ITFG1: variants seen among roughly 807,000 people sequenced by gnomAD.
ITFG1 encodes the protein T-cell immunomodulatory protein.
A neutral mutation model predicts 81.8 loss-of-function variants in ITFG1; 34 were observed. The observed-to-expected ratio is 0.42, with a 90% CI of 0.32 to 0.55. The LOEUF is 0.55. Ranked by LOEUF, ITFG1 falls within the 20% of genes least tolerant of loss-of-function variation. The pLI is 0.17. For synonymous variants in ITFG1, 285 were observed against 270.6 expected (o/e 1.05, Z -0.52); for missense variants, 672 against 755.4 (o/e 0.89, Z 1.29).
At position 47,298,007 on chromosome 16, in the gene ITFG1, G is replaced by A. The variant is rs530891335; in HGVS notation, c.1070+13233C>T. On this transcript the variant is annotated intron_variant, in intron 10 of 17. Coordinates refer to ENST00000320640, the MANE Select transcript of ITFG1 (RefSeq NM_030790.5). The stretch of plus-strand genomic sequence containing the variant: ...TCATTACTATGTAGTACATATTGAA[G>A]TCTTTGTTCATTTTTTTCTTTTTTT... Among the ~76,000 whole-genome samples, 5 of 152,176 alleles carry A rather than the reference G, an allele frequency of 3.3e-5. No homozygotes were observed. In the South Asian group the frequency reaches 1.0e-3, roughly 32 times the overall value.
At position 47,282,643 on chromosome 16, in the gene ITFG1, A is replaced by AT. The variant is rs200448942; in HGVS notation, c.1071-21949dup. Among the ~76,000 whole-genome samples, 637 of 152,138 alleles carry AT rather than the reference A, an allele frequency of 4.2e-3. 5 individuals are homozygous for AT. Among genetic ancestry groups the AT allele is most frequent in the Middle Eastern group, 0.014 (4 of 294 alleles). The stretch of plus-strand genomic sequence containing the variant: ...GATTGCTACGTCAAATGGTAATTCT[A>AT]TTTTTAGTTCTTTGAGGAATCTCCA... On this transcript the variant is annotated intron_variant, in intron 10 of 17. Coordinates refer to ENST00000320640, the MANE Select transcript of ITFG1 (RefSeq NM_030790.5).
intron 10 of ITFG1, among the ~76,000 whole-genome samples, chr16:47,285,073 C>T (rs1966864337): frequency 1.3e-5 from 2 of 152,108 alleles, no homozygotes; most frequent in South Asian, 2.1e-4. Context: ...CCATAGCCCT[C>T]GTTACAGTCT....
intron 16 of ITFG1, 86 bp downstream of exon 16, chr16:47,161,664 A>G (rs1472332478): frequency 2.3e-6 from 2 of 852,632 alleles, no homozygotes; most frequent in Non-Finnish European, 4.0e-6. Context: ...CACAGCAGGA[A>G]TATGAGAGAG....
At chr16:47,444,012 C>G (rs1389306912) in intron 5 of ITFG1, among the ~76,000 whole-genome samples, 1 of 152,140 alleles carries the variant, frequency 6.6e-6, no homozygotes, top group East Asian at 1.9e-4. Flanking sequence ...ATTCACAAAG[C>G]CAGTCCTTCC....
chr16:47,204,620 G>A (rs1245063671), intron 14 of ITFG1, among the ~76,000 whole-genome samples: 1 of 151,864 alleles, frequency 6.6e-6, no homozygotes, highest in Non-Finnish European at 1.5e-5. Context: ...GTACCAGGTG[G>A]TATTAAAAGT....
At chr16:47,244,446 C>T (rs1045845965) in intron 12 of ITFG1, among the ~76,000 whole-genome samples, 2 of 152,016 alleles carry the variant, frequency 1.3e-5, no homozygotes, top group African/African-American at 2.4e-5. Flanking sequence ...GGTTGGTGTA[C>T]GGAGGGGGAA....
At chr16:47,452,615 G>A in intron 4 of ITFG1, 118 bp downstream of exon 4, 1 of 663,548 alleles carries the variant, frequency 1.5e-6, no homozygotes, top group Non-Finnish European at 2.6e-6. Flanking sequence ...ATAATCAAAG[G>A]TACAGGCCTC....
chr16:47,325,557 C>A (rs1485830793), intron 8 of ITFG1, among the ~76,000 whole-genome samples: 1 of 151,926 alleles, frequency 6.6e-6, no homozygotes, highest in Non-Finnish European at 1.5e-5. Context: ...AAAAGATCAA[C>A]AAAATTGATA....
At chr16:47,163,025 C>T (rs1438336543) in intron 14 of ITFG1, among the ~76,000 whole-genome samples, 2 of 152,122 alleles carry the variant, frequency 1.3e-5, no homozygotes, top group African/African-American at 4.8e-5. Context: ...CGGCCTTGAA[C>T]TCCTGGGCTC....
chr16:47,217,785 T>C (rs1386042758), intron 14 of ITFG1, among the ~76,000 whole-genome samples: 2 of 151,830 alleles, frequency 1.3e-5, no homozygotes, highest in Admixed American at 6.6e-5. Context: ...ATTAGCCGGG[T>C]GTAGTGGCGG....
chr16:47,399,863 A>G (rs751832878), intron 6 of ITFG1, among the ~76,000 whole-genome samples: 5 of 152,118 alleles, frequency 3.3e-5, no homozygotes, highest in Admixed American at 6.5e-5. Context: ...TTATTTCTCT[A>G]CATATGTATG....
rs574144418 is a variant in ITFG1, at chr16:47,270,859, A to C, written c.1071-10164T>G. Among the ~76,000 whole-genome samples the C allele has an allele frequency of 6.1e-3, 926 of 152,338 alleles. 9 individuals carry two copies. Among genetic ancestry groups the C allele is most frequent in the African/African-American group, 0.02 (852 of 41,574 alleles). Reference sequence around the variant, plus strand: ...TATAAAATATTAGAAAATGCAATCTAATCTACAGCGACAGAAAGCAGATCA... The same window carrying C: ...TATAAAATATTAGAAAATGCAATCTCATCTACAGCGACAGAAAGCAGATCA... On this transcript the variant is annotated intron_variant, in intron 10 of 17. Transcript: ENST00000320640.
intron 8 of ITFG1, among the ~76,000 whole-genome samples, chr16:47,349,845 A>G (rs1967923042): frequency 6.6e-6 from 1 of 152,242 alleles, no homozygotes; most frequent in Non-Finnish European, 1.5e-5. Flanking sequence ...AAGAACAGAA[A>G]TTATAACAAA....
chr16:47,181,231 C>A (rs1174512628), intron 14 of ITFG1, among the ~76,000 whole-genome samples: 2 of 151,216 alleles, frequency 1.3e-5, no homozygotes, highest in Admixed American at 6.6e-5. Context: ...GGCAGCCGCC[C>A]CGTCTGAGAA....
intron 10 of ITFG1, among the ~76,000 whole-genome samples, chr16:47,286,663 CAG>C (rs1296608057): frequency 2.6e-5 from 4 of 151,884 alleles, no homozygotes; most frequent in Admixed American, 1.3e-4. Flanking sequence ...AGATAATTGC[CAG>C]AGAGTGTTAA....
At chr16:47,350,713 A>T (rs1286911542) in intron 8 of ITFG1, among the ~76,000 whole-genome samples, 2 of 152,222 alleles carry the variant, frequency 1.3e-5, no homozygotes, top group South Asian at 2.1e-4. Context: ...AACTCATTTT[A>T]TGAGGCCAGC....
chr16:47,437,306 C>A (rs1444733788), intron 5 of ITFG1, among the ~76,000 whole-genome samples: 1 of 151,726 alleles, frequency 6.6e-6, no homozygotes, highest in Non-Finnish European at 1.5e-5. Context: ...TCTCCAACAA[C>A]AATTTTAAAA....
chr16:47,435,750 T>A (rs538725119), intron 5 of ITFG1, among the ~76,000 whole-genome samples: 16 of 152,328 alleles, frequency 1.1e-4, no homozygotes, highest in African/African-American at 3.6e-4. Context: ...AGTCCTGCGG[T>A]CTTCAAACAT....
At chr16:47,326,245 C>T (rs13332032) in intron 8 of ITFG1, among the ~76,000 whole-genome samples, 17,778 of 152,074 alleles carry the variant, frequency 0.12, 2,260 homozygotes, top group African/African-American at 0.32. Flanking sequence ...TCAATAGATG[C>T]AGAAATGGCC....
Sources: gnomAD v4.1 joint callset for allele counts (sites outside exome capture counted in the v4.1 genomes callset) on GRCh38, gnomAD v4.1.1 for gene constraint, MANE v1.5 for transcripts, NCBI Gene and HGNC (gene_info 2026-07-23, HGNC 2026-07-21) for gene names.